Variants in ZNF100 observed in about 807,000 individuals in gnomAD.
The protein encoded by ZNF100 is zinc finger protein 100 (Y1).
A neutral mutation model predicts 15.8 loss-of-function variants in ZNF100; 12 were observed. That is an observed-to-expected ratio of 0.76 (90% CI 0.49 to 1.23). The LOEUF is 1.23. ZNF100 is among the 50% of genes most tolerant of loss of function. The probability of loss-of-function intolerance (pLI) is 0.00; values close to 1 mark genes in which losing one functional copy is unlikely to be tolerated. For synonymous variants in ZNF100, 226 were observed against 214.8 expected, an observed-to-expected ratio of 1.05 and a Z score of -0.45; for missense variants, 670 against 635.6, an observed-to-expected ratio of 1.05 and a Z score of -0.58.
rs2035778808 is a variant in ZNF100, at chr19:21,726,116, ATTC to A, written c.*564_*566del. 1 of 152,550 alleles carries A rather than the reference ATTC, an allele frequency of 6.6e-6. No homozygotes were observed. The highest frequency in any genetic ancestry group is 6.5e-5 in the Admixed American group (1 of 15,304). 9.4% of individuals were successfully genotyped at this position (152,550 alleles called of 1,614,324 possible). On this transcript the variant is annotated 3_prime_UTR_variant, in exon 5 of 5. Transcript: ENST00000358296. ...CTGTGATACAAGTAAACATATTACAATTCTACTACAATGTTCTTCTTCAAAATA... is the reference window on the plus strand; with the variant it reads ...CTGTGATACAAGTAAACATATTACAATACTACAATGTTCTTCTTCAAAATA...
At chr19:21,766,753 G>A (rs971724364) in intron 1 of ZNF100, among the ~76,000 whole-genome samples, 5 of 152,100 alleles carry the variant, frequency 3.3e-5, no homozygotes, top group African/African-American at 1.2e-4. Flanking sequence ...CAGCACTTTA[G>A]GAGGCCAAGG....
chr19:21,758,895 C>T (rs778145573), intron 2 of ZNF100, among the ~76,000 whole-genome samples: 38 of 152,126 alleles, frequency 2.5e-4, no homozygotes, highest in Non-Finnish European at 3.5e-4. Flanking sequence ...CTCCTTTAGA[C>T]GAGAACAGAG....
At chr19:21,740,597 TGTAATCC>T (rs2036090873) in intron 4 of ZNF100, among the ~76,000 whole-genome samples, 1 of 152,214 alleles carries the variant, frequency 6.6e-6, no homozygotes, top group African/African-American at 2.4e-5. Context: ...GGTTCACACC[TGTAATCC>T]CAGCACTTTG....
At chr19:21,741,384 A>AT (rs1004926898) in intron 4 of ZNF100, among the ~76,000 whole-genome samples, 9 of 151,844 alleles carry the variant, frequency 5.9e-5, no homozygotes, top group East Asian at 1.9e-4. Context: ...TATTATTATT[A>AT]TTTTTTTTGA....
chr19:21,726,645 T>C lies in ZNF100; in HGVS notation c.*38A>G. The stretch of plus-strand genomic sequence containing the variant: ...CCAGTATGAATTTTTTTATGTTTAG[T>C]AAGAGTTGAGGACTGGTAAAAGGCT... On this transcript the variant is annotated 3_prime_UTR_variant, in exon 5 of 5. Transcript: ENST00000358296. 1.3e-6 allele frequency: 2 copies of C among 1,551,468 alleles called. No individual in the cohort carries two copies. The highest frequency in any genetic ancestry group is 1.7e-6 in the Non-Finnish European group (2 of 1,149,268).
chr19:21,766,334 A>G (rs1195658028), intron 1 of ZNF100, among the ~76,000 whole-genome samples: 2 of 152,138 alleles, frequency 1.3e-5, no homozygotes, highest in South Asian at 2.1e-4. Flanking sequence ...AATGCAGCAG[A>G]AAATCAGTTC....
intron 4 of ZNF100, among the ~76,000 whole-genome samples, chr19:21,732,201 T>G (rs1342639489): frequency 6.6e-6 from 1 of 152,188 alleles, no homozygotes; most frequent in Non-Finnish European, 1.5e-5. Context: ...ATTTTATGTG[T>G]TCAAGTAAAA....
intron 2 of ZNF100, among the ~76,000 whole-genome samples, chr19:21,758,348 AAAAT>A (rs757518173): frequency 2.7e-4 from 41 of 152,322 alleles, no homozygotes; most frequent in Admixed American, 1.4e-3. Flanking sequence ...CCTCAGTGAC[AAAAT>A]AATCTACACC....
intron 4 of ZNF100, among the ~76,000 whole-genome samples, chr19:21,735,843 C>G (rs956812816): frequency 6.6e-6 from 1 of 152,120 alleles, no homozygotes; most frequent in South Asian, 2.1e-4. Context: ...GGCTGGAGTA[C>G]AGTGGCATGA....
Position 21,727,233 on chromosome 19 carries a change from A to C in ZNF100, c.1079T>G (p.Leu360Arg), listed in dbSNP as rs748718961. ...AGCATGAGTTATCTTATGTGTAGTA[A>C]GGGTTGAGGACTGGTTAAAGGCTTT... ...CGKAFNQSST[L>R]TTHKITHAGE... Residue 360 changes from leucine to arginine, a missense_variant, in exon 5 of 5, where the codon CTT becomes CGT. Transcript: ENST00000358296. 2.5e-6 allele frequency: 4 copies of C among 1,613,596 alleles called. No homozygotes were observed. The highest frequency in any genetic ancestry group is 3.4e-6 in the Non-Finnish European group (4 of 1,179,926).
intron 2 of ZNF100, among the ~76,000 whole-genome samples, chr19:21,747,233 T>C (rs2036227894): frequency 6.6e-6 from 1 of 152,162 alleles, no homozygotes; most frequent in African/African-American, 2.4e-5. Flanking sequence ...CTCTCATGAA[T>C]GTATCTTGAA....
intron 4 of ZNF100, among the ~76,000 whole-genome samples, chr19:21,731,302 C>CTTTTTTTTTTT (rs1052854047): frequency 5.0e-5 from 7 of 139,626 alleles, no homozygotes; most frequent in East Asian, 2.0e-4. Flanking sequence ...TTTTTCTTTC[C>CTTTTTTTTTTT]TTTTTTTTTT....
intron 2 of ZNF100, among the ~76,000 whole-genome samples, chr19:21,746,230 T>A (rs1391035741): frequency 6.6e-6 from 1 of 152,224 alleles, no homozygotes; most frequent in Non-Finnish European, 1.5e-5. Context: ...GTAAATTATA[T>A]TCTGAATTCA....
At chr19:21,763,937 T>C (rs2036521083) in intron 2 of ZNF100, among the ~76,000 whole-genome samples, 1 of 152,306 alleles carries the variant, frequency 6.6e-6, no homozygotes, top group East Asian at 1.9e-4. Flanking sequence ...TGAACTTGGT[T>C]ATACATTACA....
chr19:21,734,136 A>C (rs187747022), intron 4 of ZNF100, among the ~76,000 whole-genome samples: 1 of 152,350 alleles, frequency 6.6e-6, no homozygotes, highest in African/African-American at 2.4e-5. Flanking sequence ...TGAAAACTCA[A>C]AAACCCAGAG....
chr19:21,727,316 A>G lies in ZNF100; in HGVS notation c.996T>C (p.Leu332=), dbSNP rs1023958327. 6.2e-7 allele frequency: 1 copy of G among 1,612,790 alleles called. No homozygotes were observed. Among genetic ancestry groups the G allele is most frequent in the Non-Finnish European group, 8.5e-7 (1 of 1,179,542 alleles). Residue 332 remains leucine, a synonymous_variant, in exon 5 of 5, where the codon CTT becomes CTC. Transcript: ENST00000358296. ...CGKAFNRSSH[L]TTHRIIHTGE... ...CAGTATGAATTATCCTGTGTGTAGTAAGGTGTGAGGACCGGTTAAAAGCTT... is the reference window on the plus strand; with the variant it reads ...CAGTATGAATTATCCTGTGTGTAGTGAGGTGTGAGGACCGGTTAAAAGCTT...
At chr19:21,755,098 A>G (rs2036370275) in intron 2 of ZNF100, among the ~76,000 whole-genome samples, 1 of 152,152 alleles carries the variant, frequency 6.6e-6, no homozygotes, top group Non-Finnish European at 1.5e-5. Context: ...GGATCACCTG[A>G]GGTCGGGAGT....
chr19:21,728,713 T>C (rs1460950871), intron 4 of ZNF100, among the ~76,000 whole-genome samples: 1 of 151,900 alleles, frequency 6.6e-6, no homozygotes, highest in African/African-American at 2.4e-5. Context: ...TTTTTTAATG[T>C]CCAAATTTCA....
intron 3 of ZNF100, among the ~76,000 whole-genome samples, chr19:21,744,568 C>T (rs1297430225): frequency 6.6e-6 from 1 of 152,024 alleles, no homozygotes; most frequent in Non-Finnish European, 1.5e-5. Flanking sequence ...AATGGGGTTT[C>T]ACTTTGTTGG....
Sources: allele counts gnomAD v4.1 joint callset (sites outside exome capture counted in the v4.1 genomes callset), GRCh38; gene constraint gnomAD v4.1.1; transcripts MANE v1.5; gene names NCBI Gene and HGNC (gene_info 2026-07-23, HGNC 2026-07-21).